Variants in GALNT11 observed in about 807,000 individuals in gnomAD.
GALNT11 encodes the protein polypeptide N-acetylgalactosaminyltransferase 11.
GALNT11 carries 47 observed loss-of-function variants against 72.7 expected under a neutral mutation model. The ratio of observed to expected loss-of-function variants is 0.65; its 90% CI spans 0.51 to 0.82. The LOEUF (loss-of-function observed/expected upper bound fraction) is 0.82. GALNT11 is among the 40% of genes least tolerant of loss of function. GALNT11 has a pLI of 0.00. For synonymous variants in GALNT11, 270 were observed against 286.6 expected, an observed-to-expected ratio of 0.94 and a Z score of 0.58; for missense variants, 677 against 778.4, an observed-to-expected ratio of 0.87 and a Z score of 1.55.
intron 2 of GALNT11, among the ~76,000 whole-genome samples, chr7:152,096,296 A>G (rs866960671): frequency 6.6e-6 from 1 of 152,254 alleles, no homozygotes; most frequent in Admixed American, 6.5e-5. Flanking sequence ...TGGAATTACA[A>G]GAGGCTCTGA....
Position 152,113,200 on chromosome 7 carries a change from C to T in GALNT11, c.1081-46C>T. The stretch of plus-strand genomic sequence containing the variant: ...ATTGAAAATTCATACATTGGTTTCA[C>T]AACAACATGAGGCAACTGTTAACAC... On this transcript the variant is annotated intron_variant, in intron 7 of 11. Coordinates refer to ENST00000430044, the MANE Select transcript of GALNT11 (RefSeq NM_022087.4). 3 of 1,539,796 alleles carry T rather than the reference C, an allele frequency of 1.9e-6. No homozygotes were observed. The South Asian group carries it at 3.8e-5, about 19-fold the overall frequency.
chr7:152,041,937 A>G (rs986229564), intron 1 of GALNT11, among the ~76,000 whole-genome samples: 12 of 152,264 alleles, frequency 7.9e-5, no homozygotes, highest in Non-Finnish European at 1.5e-5. Context: ...TAATTAAGCC[A>G]GCAGGAGAAA....
intron 1 of GALNT11, among the ~76,000 whole-genome samples, chr7:152,068,339 T>C (rs1404129031): frequency 6.6e-6 from 1 of 152,220 alleles, no homozygotes; most frequent in Non-Finnish European, 1.5e-5. Context: ...TTCACATCTT[T>C]GTGTAGTTTG....
At chr7:152,108,812 T>C (rs571472734) in intron 6 of GALNT11, among the ~76,000 whole-genome samples, 2 of 152,318 alleles carry the variant, frequency 1.3e-5, no homozygotes, top group South Asian at 2.1e-4. Context: ...TTTTGTTTTC[T>C]TTAAAAATTT....
chr7:152,026,810 C>G (rs562538705), intron 1 of GALNT11, among the ~76,000 whole-genome samples: 17 of 152,320 alleles, frequency 1.1e-4, no homozygotes, highest in South Asian at 2.1e-4. Context: ...TAGTCTATAC[C>G]TGTATTTGAT....
At chr7:152,083,148 G>T (rs970600239) in intron 1 of GALNT11, among the ~76,000 whole-genome samples, 3 of 151,794 alleles carry the variant, frequency 2.0e-5, no homozygotes, top group African/African-American at 7.3e-5. Context: ...CTTTTCTTTT[G>T]GTGTCTTTTA....
chr7:152,028,066 T>TA (rs1405333166), intron 1 of GALNT11, among the ~76,000 whole-genome samples: 3 of 152,212 alleles, frequency 2.0e-5, no homozygotes. Flanking sequence ...CAGTCAGTGT[T>TA]ACAGCTCATA....
At chr7:152,104,617 C>A (rs1330004044) in intron 4 of GALNT11, 1 of 151,832 alleles carries the variant, frequency 6.6e-6, no homozygotes, top group Non-Finnish European at 1.5e-5. Context: ...AGGAAAAATT[C>A]ATAATTTGAG....
In GALNT11 at chr7:152,105,327, G is replaced by A. The variant is rs1020685557; in HGVS notation, c.669G>A (p.Glu223=). The A allele has an allele frequency of 2.5e-6, 4 of 1,613,986 alleles. No homozygotes were observed. Among genetic ancestry groups the A allele is most frequent in the Non-Finnish European group, 3.4e-6 (4 of 1,179,990 alleles). ...AAGTCATAAGAAATACAAAGCGTGA[G>A]GGGTTGATTCGAGGGAGAATGATTG... ...KIKVIRNTKR[E]GLIRGRMIGA... Residue 223 remains glutamate, a synonymous_variant, in exon 5 of 12, where the codon GAG becomes GAA. Coordinates refer to ENST00000430044, the MANE Select transcript of GALNT11 (RefSeq NM_022087.4).
rs750240669 is a variant in GALNT11 at position 152,100,866 on chromosome 7, C to T, written c.364C>T (p.Leu122Phe). Residue 122 changes from leucine (L) to phenylalanine (F), a missense_variant, in exon 3 of 12, where the codon CTT becomes TTT. Leu to Phe is a conservative substitution (Grantham distance 22). Transcript: ENST00000430044. ...LGYQKHAFNM[L>F]ISDRLGYHRD... ...CTATCAGAAACATGCTTTTAATATG[C>T]TTATCAGTGACCGCTTGGGCTACCA... 6.2e-7 allele frequency: 1 copy of T among 1,613,992 alleles called. No homozygotes were observed. The highest frequency in any genetic ancestry group is 1.7e-5 in the Admixed American group (1 of 60,020).
intron 1 of GALNT11, 124 bp downstream of exon 1, chr7:152,026,008 G>C (rs1292430410): frequency 6.5e-6 from 1 of 153,402 alleles, no homozygotes; most frequent in Non-Finnish European, 1.5e-5. Context: ...CTCCCCGCGG[G>C]TCCTGGGCTC....
intron 1 of GALNT11, among the ~76,000 whole-genome samples, chr7:152,030,093 G>A (rs542588440): frequency 4.7e-4 from 71 of 152,278 alleles, no homozygotes; most frequent in African/African-American, 1.5e-3. Context: ...CCCCGTGTGC[G>A]GAGACGAGAG....
intron 1 of GALNT11, among the ~76,000 whole-genome samples, chr7:152,055,437 A>G (rs1346293203): frequency 1.3e-5 from 2 of 151,716 alleles, no homozygotes; most frequent in Admixed American, 1.3e-4. Context: ...TTGCTAGGTA[A>G]TTTATTCTGT....
chr7:152,078,392 G>T (rs6944595), intron 1 of GALNT11, among the ~76,000 whole-genome samples: 7,726 of 152,110 alleles, frequency 0.051, 339 homozygotes, highest in East Asian at 0.2. Context: ...ATAGAGACAG[G>T]GTTTCTCCAT....
At chr7:152,089,040 A>G (rs1442926343) in intron 1 of GALNT11, among the ~76,000 whole-genome samples, 4 of 152,158 alleles carry the variant, frequency 2.6e-5, no homozygotes, top group Non-Finnish European at 5.9e-5. Flanking sequence ...AACTTCATTC[A>G]TGTGAAGCTG....
rs1038499034 is a variant in GALNT11, at chr7:152,120,934, A to C, written c.1661A>C (p.His554Pro). 1 of 1,614,008 alleles carries C rather than the reference A, an allele frequency of 6.2e-7. No individual in the cohort carries two copies. The highest frequency in any genetic ancestry group is 8.5e-7 in the Non-Finnish European group (1 of 1,180,010). Residue 554 changes from histidine (H) to proline (P), a missense_variant, in exon 11 of 12, where the codon CAC becomes CCC. Transcript: ENST00000430044. ...SSDPPRLMKC[H>P]GSGGSQQWTF... ...GACCCGCCACGGCTCATGAAATGCC[A>C]CGGGTCAGGAGGATCCCAGCAGTGG...
At chr7:152,035,319 T>C (rs1284288261) in intron 1 of GALNT11, among the ~76,000 whole-genome samples, 3 of 152,114 alleles carry the variant, frequency 2.0e-5, no homozygotes, top group Non-Finnish European at 2.9e-5. Flanking sequence ...CAGGAGAAAC[T>C]AGAAAAGCAC....
intron 1 of GALNT11, among the ~76,000 whole-genome samples, chr7:152,050,554 C>T (rs1394250365): frequency 1.3e-5 from 2 of 152,156 alleles, no homozygotes; most frequent in African/African-American, 2.4e-5. Flanking sequence ...AGGAAAGAGT[C>T]TCCCCTGGAG....
intron 1 of GALNT11, among the ~76,000 whole-genome samples, chr7:152,085,605 G>A (rs1254893490): frequency 6.6e-6 from 1 of 152,014 alleles, no homozygotes; most frequent in African/African-American, 2.4e-5. Context: ...GTAGATTAAA[G>A]TTTTAGCTTT....
Sources: allele counts gnomAD v4.1 joint callset (sites outside exome capture counted in the v4.1 genomes callset), GRCh38; gene constraint gnomAD v4.1.1; transcripts MANE v1.5; gene names NCBI Gene and HGNC (gene_info 2026-07-23, HGNC 2026-07-21).